Variants in PRKG1 observed in about 807,000 individuals in gnomAD.
PRKG1 encodes the protein cGMP-dependent protein kinase 1.
Under a neutral mutation model 88.1 loss-of-function variants are expected in PRKG1, and 35 were observed. The ratio of observed to expected loss-of-function variants is 0.40; its 90% CI spans 0.30 to 0.53. The LOEUF is 0.53. PRKG1 is among the 20% of genes least tolerant of loss of function. PRKG1 has a pLI of 0.59. For missense variants in PRKG1, 540 were observed against 839.8 expected (o/e 0.64, Z 4.41); for synonymous variants, 303 against 292.5 (o/e 1.04, Z -0.37).
intron 8 of PRKG1, among the ~76,000 whole-genome samples, chr10:52,155,795 T>A (rs1838078905): frequency 6.6e-6 from 1 of 151,338 alleles, no homozygotes; most frequent in South Asian, 2.1e-4. Flanking sequence ...TTCATTTGAT[T>A]ATTATAATAA....
chr10:51,855,983 A>G (rs566746388), intron 4 of PRKG1, among the ~76,000 whole-genome samples: 34 of 152,316 alleles, frequency 2.2e-4, no homozygotes, highest in Non-Finnish European at 4.1e-4. Flanking sequence ...GGTTCCTTCC[A>G]GAGACTCCAG....
At chr10:51,603,106 G>A (rs896939209) in intron 3 of PRKG1, among the ~76,000 whole-genome samples, 34 of 151,738 alleles carry the variant, frequency 2.2e-4, no homozygotes, top group Admixed American at 2.2e-3. Flanking sequence ...TACAAGTGCA[G>A]ACCACCATGC....
At chr10:51,205,414 T>G (rs74447051) in intron 2 of PRKG1, among the ~76,000 whole-genome samples, 3,059 of 145,186 alleles carry the variant, frequency 0.021, 43 homozygotes, top group Middle Eastern at 0.053. Context: ...TGGGATTACA[T>G]GTGTGACCCA....
chr10:51,644,024 A>G (rs1385203900), intron 3 of PRKG1, among the ~76,000 whole-genome samples: 1 of 152,144 alleles, frequency 6.6e-6, no homozygotes, highest in African/African-American at 2.4e-5. Context: ...AGGATTAACT[A>G]AAAGCATGCC....
intron 1 of PRKG1, among the ~76,000 whole-genome samples, chr10:51,058,499 A>G (rs1159390382): frequency 1.3e-5 from 2 of 152,108 alleles, no homozygotes; most frequent in African/African-American, 2.4e-5. Context: ...AGAGTAGTAC[A>G]TTTGTTACAA....
At chr10:51,164,947 A>G (rs1846490824) in intron 2 of PRKG1, among the ~76,000 whole-genome samples, 1 of 152,360 alleles carries the variant, frequency 6.6e-6, no homozygotes, top group Middle Eastern at 3.4e-3. Context: ...TTGACGGGGA[A>G]AATGGAACCA....
At chr10:51,810,825 A>G (rs1028808747) in intron 4 of PRKG1, among the ~76,000 whole-genome samples, 10 of 152,182 alleles carry the variant, frequency 6.6e-5, no homozygotes, top group Non-Finnish European at 1.5e-4. Flanking sequence ...TATGGGCCAT[A>G]CTTCAACCAA....
intron 9 of PRKG1, among the ~76,000 whole-genome samples, chr10:52,212,799 G>A (rs774814985): frequency 1.3e-5 from 2 of 152,072 alleles, no homozygotes; most frequent in Admixed American, 6.5e-5. Flanking sequence ...ATAAAACCAA[G>A]TTTCGATTTG....
intron 2 of PRKG1, among the ~76,000 whole-genome samples, chr10:51,221,888 T>C (rs1309340101): frequency 2.0e-5 from 3 of 149,446 alleles, no homozygotes; most frequent in African/African-American, 7.4e-5. Context: ...TTTTTTTTTT[T>C]TTTTTGAGAG....
intron 2 of PRKG1, among the ~76,000 whole-genome samples, chr10:51,420,453 A>G (rs1004929067): frequency 6.6e-6 from 1 of 152,108 alleles, no homozygotes; most frequent in African/African-American, 2.4e-5. Context: ...TGTAAGGCTT[A>G]ATCATGGTTG....
intron 4 of PRKG1, among the ~76,000 whole-genome samples, chr10:51,905,883 G>A (rs1277968270): frequency 1.3e-5 from 2 of 151,992 alleles, no homozygotes; most frequent in Admixed American, 6.6e-5. Flanking sequence ...TTTATAAATC[G>A]CTGAAAATAC....
chr10:51,975,503 A>T (rs1843809434), intron 5 of PRKG1, among the ~76,000 whole-genome samples: 1 of 152,104 alleles, frequency 6.6e-6, no homozygotes, highest in Non-Finnish European at 1.5e-5. Flanking sequence ...ACACATACAT[A>T]CCTTATCTAG....
chr10:52,141,599 G>A lies in PRKG1; in HGVS notation c.1001+7694G>A, dbSNP rs192455572. 2.1e-3 allele frequency among the ~76,000 whole-genome samples: 319 copies of A among 152,168 alleles called. 1 individual carries two copies. The highest frequency in any genetic ancestry group is 7.2e-3 in the African/African-American group (297 of 41,526). On this transcript the variant is annotated intron_variant, in intron 8 of 17. Coordinates refer to ENST00000373980, the MANE Select transcript of PRKG1 (RefSeq NM_006258.4). ...TATTTCCATCTCTGTTATATGGATA[G>A]TTTCCAGCAATAATCTGTTAAGCCA...
intron 1 of PRKG1, among the ~76,000 whole-genome samples, chr10:51,078,151 GGTTA>G (rs1189425017): frequency 2.6e-5 from 4 of 152,174 alleles, no homozygotes; most frequent in Non-Finnish European, 5.9e-5. Flanking sequence ...TCCTAAAAGT[GGTTA>G]GTGTCTTTGT....
intron 3 of PRKG1, among the ~76,000 whole-genome samples, chr10:51,597,767 A>C (rs940269501): frequency 2.0e-5 from 3 of 152,166 alleles, no homozygotes; most frequent in Non-Finnish European, 4.4e-5. Context: ...TGGAAAACAA[A>C]ATGGAAAAAA....
intron 1 of PRKG1, among the ~76,000 whole-genome samples, chr10:51,017,461 A>G (rs1356368649): frequency 6.6e-6 from 1 of 152,216 alleles, no homozygotes; most frequent in African/African-American, 2.4e-5. Context: ...ACCTTGTTTG[A>G]ATGAAAATAA....
In PRKG1 at chr10:52,251,677, G is replaced by A; in HGVS notation, c.1173+11G>A. 6.3e-7 allele frequency: 1 copy of A among 1,599,134 alleles called. No homozygotes were observed. The highest frequency in any genetic ancestry group is 8.6e-7 in the Non-Finnish European group (1 of 1,167,376). Reference sequence around the variant, plus strand: ...GGACGAGTAGAACTGGTAGGTGATTGTTCTTTAAATGCTTTTGATCGCCTC... The same window carrying A: ...GGACGAGTAGAACTGGTAGGTGATTATTCTTTAAATGCTTTTGATCGCCTC... On this transcript the variant is annotated intron_variant, in intron 10 of 17. Transcript: ENST00000373980.
At chr10:51,000,217 T>G (rs916967390) in intron 1 of PRKG1, among the ~76,000 whole-genome samples, 4 of 152,230 alleles carry the variant, frequency 2.6e-5, no homozygotes, top group Non-Finnish European at 4.4e-5. Flanking sequence ...AATAATTTGT[T>G]TCTTAAAAAA....
chr10:51,084,495 T>C (rs1844198398), intron 1 of PRKG1, among the ~76,000 whole-genome samples: 3 of 152,234 alleles, frequency 2.0e-5, no homozygotes, highest in African/African-American at 7.2e-5. Flanking sequence ...ACTTTTGCCT[T>C]TCTAAAGATC....
Sources: allele counts gnomAD v4.1 joint callset (sites outside exome capture counted in the v4.1 genomes callset), GRCh38; gene constraint gnomAD v4.1.1; transcripts MANE v1.5; gene names NCBI Gene and HGNC (gene_info 2026-07-23, HGNC 2026-07-21).